Variants in MPHOSPH9 observed in about 807,000 individuals in gnomAD.
MPHOSPH9 encodes M-phase phosphoprotein 9.
Under a neutral mutation model 145.5 loss-of-function variants are expected in MPHOSPH9, and 88 were observed. That is an observed-to-expected ratio of 0.60 (90% CI 0.51 to 0.72). MPHOSPH9 has a LOEUF of 0.72. Among genes scored for constraint, MPHOSPH9 ranks in the 30% least tolerant of loss-of-function variants. The pLI, the probability that MPHOSPH9 is intolerant of heterozygous loss-of-function variation, is 0.00. For missense variants in MPHOSPH9, 1,238 were observed against 1,386.6 expected, an observed-to-expected ratio of 0.89 and a Z score of 1.70; for synonymous variants, 435 against 486.2, an observed-to-expected ratio of 0.89 and a Z score of 1.39.
rs1263921240 is a variant in MPHOSPH9 at position 123,166,656 on chromosome 12, C to G, written c.2590G>C (p.Gly864Arg). 6.2e-7 allele frequency: 1 copy of G among 1,612,170 alleles called. No homozygotes were observed. The highest frequency in any genetic ancestry group is 1.1e-5 in the South Asian group (1 of 90,586). The stretch of plus-strand genomic sequence containing the variant: ...GAATCTTTAGCAAAGTTATCTCACC[C>G]TAGGCTACAGGTTTCCTCCAGCTGG... Reference protein sequence around the residue: ...DNQLEETCSLGHRSPLEKDSS... With the variant: ...DNQLEETCSLRHRSPLEKDSS... Residue 864 changes from glycine to arginine, a missense_variant and splice_region_variant, in exon 17 of 24, where the codon GGG becomes CGG. Around this residue, in one of 3 missense-constraint regions of MPHOSPH9, gnomAD observed 393 missense variants for 462.5 expected, o/e 0.85. Transcript: ENST00000606320.
At chr12:123,163,372 T>A in intron 19 of MPHOSPH9, 1 of 393,744 alleles carries the variant, frequency 2.5e-6, no homozygotes, top group Non-Finnish European at 4.4e-6. Context: ...TCAAAACTGG[T>A]TTTTCAGGAT....
intron 3 of MPHOSPH9, among the ~76,000 whole-genome samples, chr12:123,223,981 C>A (rs1367358809): frequency 6.6e-6 from 1 of 151,674 alleles, no homozygotes; most frequent in Admixed American, 6.6e-5. Context: ...CTCACCCAGG[C>A]TGGAGTGCAG....
rs2046280753 is a variant in MPHOSPH9, at chr12:123,202,837, T to A, written c.1568A>T (p.Asn523Ile). ...TKASPVDSWKNQTFQNESRTS... is the reference protein window; with the variant it reads ...TKASPVDSWKIQTFQNESRTS... ...CCTACTTTCGTTTTGGAATGTCTGA[T>A]TTTTCCAAGAGTCCACCGGAGAAGC... Residue 523 changes from asparagine (N) to isoleucine (I), a missense_variant, in exon 10 of 24, where the codon AAT becomes ATT. Asn to Ile is a moderately radical substitution (Grantham distance 149, BLOSUM62 -3). Coordinates refer to ENST00000606320, the MANE Select transcript of MPHOSPH9 (RefSeq NM_022782.4). 4.3e-6 allele frequency: 7 copies of A among 1,614,194 alleles called. No homozygotes were observed. Among genetic ancestry groups the A allele is most frequent in the Non-Finnish European group, 5.1e-6 (6 of 1,180,040 alleles).
At chr12:123,208,865 G>A (rs932815693) in intron 8 of MPHOSPH9, among the ~76,000 whole-genome samples, 27 of 151,946 alleles carry the variant, frequency 1.8e-4, no homozygotes, top group African/African-American at 6.3e-4. Flanking sequence ...GATTACAGGT[G>A]TAAACTATGA....
chr12:123,175,152 C>CTT lies in MPHOSPH9; in HGVS notation c.2456+1534_2456+1535dup, dbSNP rs781777794. Among the ~76,000 whole-genome samples the CTT allele has an allele frequency of 6.2e-5, 9 of 145,540 alleles. No individual in the cohort carries two copies. The South Asian group carries it at 8.6e-4, about 14-fold the overall frequency. ...CCAATGGACTTAGGGCAAGATCTAA[C>CTT]TTTTTTTTTTTTTTCTGAGACGGAG... On this transcript the variant is annotated intron_variant, in intron 16 of 23. Coordinates refer to ENST00000606320, the MANE Select transcript of MPHOSPH9 (RefSeq NM_022782.4).
chr12:123,208,955 C>A (rs778431287), intron 8 of MPHOSPH9, among the ~76,000 whole-genome samples: 1 of 152,026 alleles, frequency 6.6e-6, no homozygotes, highest in Non-Finnish European at 1.5e-5. Context: ...TTTGCTGAGG[C>A]GGAGTCTCGC....
At chr12:123,204,575 T>A (rs1224063427) in intron 8 of MPHOSPH9, among the ~76,000 whole-genome samples, 1 of 152,054 alleles carries the variant, frequency 6.6e-6, no homozygotes, top group Non-Finnish European at 1.5e-5. Flanking sequence ...ATTAGTAAAA[T>A]AAGAAGATAT....
At chr12:123,239,967 A>G (rs1331277188) in intron 1 of MPHOSPH9, among the ~76,000 whole-genome samples, 5 of 151,940 alleles carry the variant, frequency 3.3e-5, no homozygotes, top group African/African-American at 4.8e-5. Flanking sequence ...GAACAGTCCT[A>G]TGTGCCAGAA....
At chr12:123,213,043 TAG>T (rs1447169045) in intron 7 of MPHOSPH9, among the ~76,000 whole-genome samples, 1 of 151,572 alleles carries the variant, frequency 6.6e-6, no homozygotes, top group Non-Finnish European at 1.5e-5. Flanking sequence ...GTATTTTTAG[TAG>T]AGACGGGGTT....
At chr12:123,214,943 G>T (rs1004484611) in intron 6 of MPHOSPH9, 109 bp from the exon 7 acceptor site, 4 of 887,352 alleles carry the variant, frequency 4.5e-6, no homozygotes, top group South Asian at 1.5e-5. Context: ...ACCTTCAGAG[G>T]GTTCAAAGAA....
chr12:123,240,017 T>A (rs921042451), intron 1 of MPHOSPH9, among the ~76,000 whole-genome samples: 1 of 151,952 alleles, frequency 6.6e-6, no homozygotes. Context: ...AGCCTTGCCA[T>A]GGGGTGTGGG....
At chr12:123,201,203 T>A (rs2046206596) in intron 11 of MPHOSPH9, among the ~76,000 whole-genome samples, 2 of 151,092 alleles carry the variant, frequency 1.3e-5, no homozygotes, top group South Asian at 4.2e-4. Flanking sequence ...GTATAAAGGC[T>A]AGTTTTCCCA....
chr12:123,174,615 G>A (rs986032390), intron 16 of MPHOSPH9, among the ~76,000 whole-genome samples: 4 of 151,786 alleles, frequency 2.6e-5, no homozygotes, highest in African/African-American at 4.8e-5. Flanking sequence ...CTCGTGATCC[G>A]CCCATCTCGG....
chr12:123,236,878 G>A, upstream of MPHOSPH9, among the ~76,000 whole-genome samples: 1 of 150,826 alleles, frequency 6.6e-6, no homozygotes, highest in South Asian at 2.1e-4. Flanking sequence ...GAGGTCAGGA[G>A]TTCAACACCA....
rs2047595097 is a variant in MPHOSPH9, at chr12:123,230,417, G to A, written c.-53C>T. 3 of 1,147,996 alleles carry A rather than the reference G, an allele frequency of 2.6e-6. No homozygotes were observed. Among genetic ancestry groups the A allele is most frequent in the Admixed American group, 5.5e-5 (2 of 36,206 alleles). 71.1% of individuals were successfully genotyped at this position (1,147,996 alleles called of 1,614,324 possible). ...ATTGGAAAATAAAGGTTCTTGGGCT[G>A]TTTGAGAAAAATGAATCCGTGTCAT... On this transcript the variant is annotated 5_prime_UTR_variant, in exon 2 of 24. Coordinates refer to ENST00000606320, the MANE Select transcript of MPHOSPH9 (RefSeq NM_022782.4).
At chr12:123,178,975 T>C (rs541652951) in intron 15 of MPHOSPH9, among the ~76,000 whole-genome samples, 78 of 152,356 alleles carry the variant, frequency 5.1e-4, no homozygotes, top group African/African-American at 1.8e-3. Context: ...GTTTTCTTTT[T>C]GAAGCACCAA....
At chr12:123,218,762 C>G (rs975106602) in intron 5 of MPHOSPH9, among the ~76,000 whole-genome samples, 38 of 152,204 alleles carry the variant, frequency 2.5e-4, no homozygotes, top group African/African-American at 8.9e-4. Flanking sequence ...GACCTCTGCC[C>G]ACCTCAGCCT....
chr12:123,241,782 T>C (rs2047942470), intron 1 of MPHOSPH9, among the ~76,000 whole-genome samples: 2 of 152,232 alleles, frequency 1.3e-5, no homozygotes, highest in Admixed American at 1.3e-4. Flanking sequence ...CAGGCCTTGT[T>C]GCAGAGTTGA....
At chr12:123,200,620 TCC>T (rs2046179503) in intron 11 of MPHOSPH9, among the ~76,000 whole-genome samples, 1 of 152,104 alleles carries the variant, frequency 6.6e-6, no homozygotes, top group African/African-American at 2.4e-5. Flanking sequence ...ATACTTGTTT[TCC>T]TACAGGAAGT....
Sources: gnomAD v4.1 joint callset for allele counts (sites outside exome capture counted in the v4.1 genomes callset) on GRCh38, gnomAD v4.1.1 for gene constraint, gnomAD v4.1.1 regional missense constraint, MANE v1.5 for transcripts, NCBI Gene and HGNC (gene_info 2026-07-23, HGNC 2026-07-21) for gene names.